WWOX: variants seen among roughly 807,000 people sequenced by gnomAD.
The protein encoded by WWOX is WW domain containing oxidoreductase.
Under a neutral mutation model 46.2 loss-of-function variants are expected in WWOX, and 69 were observed. That is an observed-to-expected ratio of 1.49 (90% CI 1.23 to 1.82). The LOEUF is 1.82. WWOX is among the 40% of genes most tolerant of loss of function. The pLI is 0.00. For missense variants in WWOX, 919 were observed against 542.6 expected, an observed-to-expected ratio of 1.69 and a Z score of -6.89; for synonymous variants, 359 against 202.6, an observed-to-expected ratio of 1.77 and a Z score of -6.56.
intron 8 of WWOX, among the ~76,000 whole-genome samples, chr16:78,592,100 A>G (rs950473723): frequency 7.2e-5 from 11 of 152,274 alleles, no homozygotes; most frequent in East Asian, 1.9e-4. Flanking sequence ...GCTGCAGTCA[A>G]TATCCATTTC....
chr16:79,061,428 G>T (rs1467323087), intron 8 of WWOX, among the ~76,000 whole-genome samples: 1 of 152,202 alleles, frequency 6.6e-6, no homozygotes, highest in Non-Finnish European at 1.5e-5. Context: ...TGGGAGGACT[G>T]GTATAAGTAG....
At chr16:78,237,681 A>G (rs1157126373) in intron 5 of WWOX, 1 of 152,196 alleles carries the variant, frequency 6.6e-6, no homozygotes, top group Non-Finnish European at 1.5e-5. Context: ...ATTTTCAATC[A>G]TCTGCAAAAA....
At chr16:78,427,506 C>A (rs1181653884) in intron 7 of WWOX, among the ~76,000 whole-genome samples, 2 of 152,056 alleles carry the variant, frequency 1.3e-5, no homozygotes, top group Non-Finnish European at 2.9e-5. Flanking sequence ...TGCCCTCCCC[C>A]ACCCCACACA....
At chr16:78,819,494 T>C (rs547137897) in intron 8 of WWOX, among the ~76,000 whole-genome samples, 3 of 152,198 alleles carry the variant, frequency 2.0e-5, no homozygotes, top group African/African-American at 7.2e-5. Context: ...TTCTGCATAA[T>C]CCACCACTTA....
intron 8 of WWOX, among the ~76,000 whole-genome samples, chr16:79,151,516 G>T (rs897063615): frequency 2.4e-4 from 37 of 152,226 alleles, no homozygotes; most frequent in African/African-American, 8.7e-4. Flanking sequence ...TACATGATCA[G>T]TGTTCAGGTT....
intron 8 of WWOX, among the ~76,000 whole-genome samples, chr16:78,450,922 C>T (rs1383524643): frequency 6.6e-6 from 1 of 152,148 alleles, no homozygotes; most frequent in Non-Finnish European, 1.5e-5. Context: ...TTTTCTTCTG[C>T]TTTTTGTCCT....
chr16:79,196,449 C>G (rs1236502630), intron 8 of WWOX: 1 of 149,054 alleles, frequency 6.7e-6, no homozygotes, highest in South Asian at 2.1e-4. Context: ...CTGGAAGCTC[C>G]TGGAGGCCCC....
chr16:78,353,802 G>A (rs1178936942), intron 5 of WWOX, among the ~76,000 whole-genome samples: 1 of 152,216 alleles, frequency 6.6e-6, no homozygotes. Context: ...AAGGTCAGCA[G>A]TTAGCGTCAA....
intron 7 of WWOX, among the ~76,000 whole-genome samples, chr16:78,429,391 C>A (rs1175228528): frequency 6.6e-6 from 1 of 152,170 alleles, no homozygotes; most frequent in Admixed American, 6.5e-5. Flanking sequence ...TTCTTTCATT[C>A]TCTCCCTGAC....
At chr16:78,400,520 A>T (rs1411743840) in intron 6 of WWOX, among the ~76,000 whole-genome samples, 1 of 152,128 alleles carries the variant, frequency 6.6e-6, no homozygotes, top group Non-Finnish European at 1.5e-5. Context: ...GGCTGGACAG[A>T]AGGAAGACTT....
intron 8 of WWOX, among the ~76,000 whole-genome samples, chr16:78,597,296 G>A (rs896030981): frequency 6.6e-6 from 1 of 152,084 alleles, no homozygotes; most frequent in Non-Finnish European, 1.5e-5. Flanking sequence ...CAATTAAACG[G>A]ATACTATTAG....
At chr16:79,024,414 G>A (rs575329526) in intron 8 of WWOX, among the ~76,000 whole-genome samples, 20 of 152,050 alleles carry the variant, frequency 1.3e-4, no homozygotes, top group Admixed American at 3.3e-4. Flanking sequence ...GCGTGCTACC[G>A]TGCCCAGCTG....
chr16:78,573,517 C>G (rs1468399199), intron 8 of WWOX, among the ~76,000 whole-genome samples: 3 of 152,198 alleles, frequency 2.0e-5, no homozygotes, highest in Non-Finnish European at 4.4e-5. Flanking sequence ...ACACCTTTGT[C>G]ACATCACTCC....
At chr16:78,968,128 G>C (rs77005992) in intron 8 of WWOX, among the ~76,000 whole-genome samples, 1 of 7,180 alleles carries the variant, frequency 1.4e-4, no homozygotes, top group Non-Finnish European at 5.4e-4. Flanking sequence ...GGCACAGCGC[G>C]TGGTCCGTGT....
intron 8 of WWOX, among the ~76,000 whole-genome samples, chr16:78,950,318 T>A (rs141830489): frequency 7.2e-5 from 11 of 152,180 alleles, no homozygotes; most frequent in African/African-American, 2.6e-4. Context: ...GTTATTTCCT[T>A]GAGGAGAAAG....
At chr16:78,991,823 G>C (rs4888907) in intron 8 of WWOX, among the ~76,000 whole-genome samples, 149,741 of 152,252 alleles carry the variant, frequency 0.98, 73,704 homozygotes, top group East Asian at 1. Context: ...TCATCTCGGT[G>C]TTCATTACCA....
intron 8 of WWOX, among the ~76,000 whole-genome samples, chr16:78,820,580 C>A (rs1420284422): frequency 6.6e-6 from 1 of 152,020 alleles, no homozygotes; most frequent in African/African-American, 2.4e-5. Context: ...TTAGTGTGGC[C>A]CTTCCTTGAA....
At chr16:78,862,364 C>G (rs2043908658) in intron 8 of WWOX, among the ~76,000 whole-genome samples, 1 of 151,086 alleles carries the variant, frequency 6.6e-6, no homozygotes, top group African/African-American at 2.4e-5. Flanking sequence ...TATATAAACA[C>G]TATAGTATAT....
chr16:78,684,645 AG>A (rs1180430789), intron 8 of WWOX, among the ~76,000 whole-genome samples: 9 of 152,178 alleles, frequency 5.9e-5, no homozygotes, highest in African/African-American at 2.2e-4. Flanking sequence ...TGGCTGAGAA[AG>A]GACTCTGCCC....
Sources: allele counts gnomAD v4.1 joint callset (sites outside exome capture counted in the v4.1 genomes callset), GRCh38; gene constraint gnomAD v4.1.1; transcripts MANE v1.5; gene names NCBI Gene and HGNC (gene_info 2026-07-23, HGNC 2026-07-21).